The following PDE1C variants were observed in gnomAD, a reference collection of about 807,000 sequenced individuals.
The protein encoded by PDE1C is dual specificity calcium/calmodulin-dependent 3',5'-cyclic nucleotide phosphodiesterase 1C.
PDE1C carries 62 observed loss-of-function variants against 93.1 expected under a neutral mutation model. The observed-to-expected ratio is 0.67, with a 90% CI of 0.54 to 0.82. The LOEUF is 0.82. Among genes scored for constraint, PDE1C ranks in the 40% least tolerant of loss-of-function variants. The pLI, the probability that PDE1C is intolerant of heterozygous loss-of-function variation, is 0.00. For missense variants in PDE1C, 742 were observed against 884.6 expected (o/e 0.84, Z 2.04); for synonymous variants, 325 against 310.1 (o/e 1.05, Z -0.50).
intron 1 of PDE1C, among the ~76,000 whole-genome samples, chr7:32,245,968 C>CTTTTTTTTT (rs369247468): frequency 2.1e-5 from 2 of 94,848 alleles, no homozygotes; most frequent in Non-Finnish European, 2.2e-5. Context: ...TTTTTCTTTT[C>CTTTTTTTTT]TTTTTTTTTT....
intron 3 of PDE1C, among the ~76,000 whole-genome samples, chr7:32,109,501 T>C (rs1798528607): frequency 6.6e-6 from 1 of 152,186 alleles, no homozygotes. Flanking sequence ...TTGTGGGGGC[T>C]GTCCTGTGCA....
chr7:32,096,791 G>A (rs1349877896), intron 3 of PDE1C, among the ~76,000 whole-genome samples: 1 of 149,774 alleles, frequency 6.7e-6, no homozygotes, highest in African/African-American at 2.5e-5. Flanking sequence ...TCAGGGTTCT[G>A]CAGAGAATCA....
intron 2 of PDE1C, among the ~76,000 whole-genome samples, chr7:32,204,398 G>T (rs1805260189): frequency 6.6e-6 from 1 of 152,198 alleles, no homozygotes. Flanking sequence ...GGAGAAATTA[G>T]TCCTCCCTCA....
chr7:32,398,638 C>T (rs917558187), intron 1 of PDE1C, among the ~76,000 whole-genome samples: 2 of 152,096 alleles, frequency 1.3e-5, no homozygotes, highest in Non-Finnish European at 2.9e-5. Context: ...ATCCTCCCGT[C>T]TCGGCCTCCC....
At chr7:31,970,040 C>T (rs181430204) in intron 2 of PDE1C, among the ~76,000 whole-genome samples, 2 of 152,036 alleles carry the variant, frequency 1.3e-5, no homozygotes, top group African/African-American at 2.4e-5. Flanking sequence ...ATACCTAATG[C>T]TAAATGACAA....
In PDE1C at chr7:31,989,896, A is replaced by C. The variant is rs1334160994; in HGVS notation, c.128+61658T>G. On this transcript the variant is annotated intron_variant, in intron 2 of 17. Coordinates refer to ENST00000396191, the MANE Select transcript of PDE1C (RefSeq NM_001191057.4). Reference sequence around the variant, plus strand: ...CCCTCAACTAGAAAAACAAGGGAATAACTTAGCCATTCACCAATTCAATTA... The same window carrying C: ...CCCTCAACTAGAAAAACAAGGGAATCACTTAGCCATTCACCAATTCAATTA... Among the ~76,000 whole-genome samples the C allele has an allele frequency of 3.3e-5, 5 of 152,240 alleles. No homozygotes were observed. The East Asian group carries it at 9.6e-4, about 29-fold the overall frequency.
At chr7:31,728,268 G>T in the PDE1C span, among the ~76,000 whole-genome samples, 4 of 152,040 alleles carry the variant, frequency 2.6e-5, no homozygotes, top group African/African-American at 9.7e-5. Context: ...AGAACCTGTG[G>T]GCCCAAGGGA....
At chr7:32,279,116 T>C (rs1443262656) in intron 1 of PDE1C, among the ~76,000 whole-genome samples, 4 of 152,156 alleles carry the variant, frequency 2.6e-5, no homozygotes, top group Admixed American at 2.6e-4. Flanking sequence ...AAAGCCAAAA[T>C]CAAATACACT....
chr7:31,878,944 C>A, intron 4 of PDE1C, 52 bp downstream of exon 4: 2 of 1,525,726 alleles, frequency 1.3e-6, no homozygotes, highest in Non-Finnish European at 1.8e-6. Context: ...TTATTGGAAA[C>A]GTGTTGCTTT....
At chr7:32,407,379 C>T (rs1224453701) in intron 1 of PDE1C, among the ~76,000 whole-genome samples, 1 of 152,174 alleles carries the variant, frequency 6.6e-6, no homozygotes, top group African/African-American at 2.4e-5. Flanking sequence ...AGAACAGCCT[C>T]CAATCAAAAC....
At chr7:32,032,779 G>A (rs942996066) in intron 2 of PDE1C, among the ~76,000 whole-genome samples, 4 of 152,116 alleles carry the variant, frequency 2.6e-5, no homozygotes, top group South Asian at 2.1e-4. Flanking sequence ...ATCAGTAACC[G>A]TTAGACATGC....
chr7:31,997,886 C>T (rs965207492), intron 2 of PDE1C, among the ~76,000 whole-genome samples: 11 of 152,130 alleles, frequency 7.2e-5, no homozygotes, highest in South Asian at 4.1e-4. Flanking sequence ...TCATAGAGCA[C>T]GGGAGCATAA....
At chr7:32,388,390 G>A (rs1784681291) in intron 1 of PDE1C, among the ~76,000 whole-genome samples, 1 of 152,090 alleles carries the variant, frequency 6.6e-6, no homozygotes, top group South Asian at 2.1e-4. Flanking sequence ...TGATTTTTAT[G>A]GACCACATGA....
intron 2 of PDE1C, among the ~76,000 whole-genome samples, chr7:32,186,461 T>C (rs1294004261): frequency 6.6e-6 from 1 of 152,200 alleles, no homozygotes; most frequent in Non-Finnish European, 1.5e-5. Flanking sequence ...TGTCACCCGT[T>C]TGACATGTCA....
intron 3 of PDE1C, among the ~76,000 whole-genome samples, chr7:32,085,292 G>T (rs7456364): frequency 9.1e-6 from 1 of 109,544 alleles, no homozygotes; most frequent in Non-Finnish European, 1.9e-5. Flanking sequence ...ACCCTCCCAA[G>T]ACTAAACAAA....
intron 3 of PDE1C, among the ~76,000 whole-genome samples, chr7:32,150,730 A>G (rs531817705): frequency 2.6e-5 from 4 of 152,334 alleles, no homozygotes; most frequent in African/African-American, 9.6e-5. Flanking sequence ...GACCAGACCC[A>G]TACTAAGAAC....
At chr7:31,713,861 C>T in the PDE1C span, among the ~76,000 whole-genome samples, 1 of 152,166 alleles carries the variant, frequency 6.6e-6, no homozygotes, top group Non-Finnish European at 1.5e-5. Flanking sequence ...CACCAAGTCC[C>T]TAGACTGCAC....
chr7:31,754,996 G>A (rs1158156884), intron 17 of PDE1C, among the ~76,000 whole-genome samples: 2 of 152,174 alleles, frequency 1.3e-5, no homozygotes, highest in African/African-American at 4.8e-5. Context: ...CTGAAGAGTG[G>A]GGGACAAGAC....
chr7:31,918,257 G>A (rs974271760), intron 2 of PDE1C, among the ~76,000 whole-genome samples: 3 of 152,162 alleles, frequency 2.0e-5, no homozygotes, highest in Non-Finnish European at 2.9e-5. Flanking sequence ...GACATTCTAT[G>A]TTCCAATTTT....
Sources: allele counts gnomAD v4.1 joint callset (sites outside exome capture counted in the v4.1 genomes callset), GRCh38; gene constraint gnomAD v4.1.1; transcripts MANE v1.5; gene names NCBI Gene and HGNC (gene_info 2026-07-23, HGNC 2026-07-21).